DNAJC10: variants seen among roughly 807,000 people sequenced by gnomAD.
DNAJC10 encodes endoplasmic reticulum disulfide reductase DNAJC10.
A neutral mutation model predicts 115.0 loss-of-function variants in DNAJC10; 101 were observed. The observed-to-expected ratio is 0.88, with a 90% CI of 0.75 to 1.04. DNAJC10 has a LOEUF of 1.04. Among genes scored for constraint, DNAJC10 ranks in the 50% least tolerant of loss-of-function variants. The pLI is 0.00. For synonymous variants in DNAJC10, 307 were observed against 301.5 expected (o/e 1.02, Z -0.19); for missense variants, 981 against 928.8 (o/e 1.06, Z -0.73).
intron 23 of DNAJC10, among the ~76,000 whole-genome samples, chr2:182,776,344 G>A (rs1694705972): frequency 6.6e-6 from 1 of 152,124 alleles, no homozygotes; most frequent in African/African-American, 2.4e-5. Context: ...TCAAGAAGCA[G>A]CACAACCTTT....
chr2:182,759,536 C>T (rs1054879557), intron 21 of DNAJC10, among the ~76,000 whole-genome samples: 14 of 152,168 alleles, frequency 9.2e-5, no homozygotes, highest in African/African-American at 3.4e-4. Context: ...ATCTACTAGC[C>T]ATAAAAGCCA....
At chr2:182,733,017 G>T (rs949254498) in intron 10 of DNAJC10, among the ~76,000 whole-genome samples, 1 of 151,842 alleles carries the variant, frequency 6.6e-6, no homozygotes, top group Non-Finnish European at 1.5e-5. Context: ...TTGTGAGCTT[G>T]AATATAATAA....
At chr2:182,761,087 T>C (rs1694274599) in intron 21 of DNAJC10, among the ~76,000 whole-genome samples, 1 of 151,938 alleles carries the variant, frequency 6.6e-6, no homozygotes. Flanking sequence ...TAACTCCACA[T>C]GAAAGAAAAG....
chr2:182,754,659 G>C lies in DNAJC10; in HGVS notation c.1552-344G>C, dbSNP rs199883879. ...TGGTTTAAAAAAAAGACTCAAGCTA[G>C]AGATATAGCCTGTTGTTTATAGCCT... On this transcript the variant is annotated intron_variant, in intron 16 of 23. Transcript: ENST00000264065. The C allele has an allele frequency of 2.9e-5, 17 of 579,378 alleles. No individual in the cohort carries two copies. The East Asian group carries it at 1.5e-3, about 53-fold the overall frequency. 35.9% of individuals were successfully genotyped at this position (579,378 alleles called of 1,614,324 possible).
In DNAJC10 at chr2:182,739,579, G is replaced by C. The variant is rs530183463; in HGVS notation, c.988-720G>C. On this transcript the variant is annotated intron_variant, in intron 11 of 23. Coordinates refer to ENST00000264065, the MANE Select transcript of DNAJC10 (RefSeq NM_018981.4). ...TGAGAGAATCAGACCAGCAGAGAGAGAGAGTTATATGACAAAATATGCTGA... is the reference window on the plus strand; with the variant it reads ...TGAGAGAATCAGACCAGCAGAGAGACAGAGTTATATGACAAAATATGCTGA... The C allele has an allele frequency of 7.8e-5, 95 of 1,219,416 alleles. No homozygotes were observed. The African/African-American group carries it at 1.4e-3, about 18-fold the overall frequency. The allele number at this position is 1,219,416 out of a possible 1,614,324, so 75.5% of individuals were successfully genotyped here.
intron 5 of DNAJC10, among the ~76,000 whole-genome samples, 187 bp from the exon 6 acceptor site, chr2:182,728,389 A>T (rs1007779782): frequency 1.3e-5 from 2 of 152,118 alleles, no homozygotes; most frequent in Admixed American, 1.3e-4. Context: ...TGGAAAAAAA[A>T]TTTTTAATTT....
intron 11 of DNAJC10, chr2:182,739,780 A>C (rs10167605): frequency 0.04 from 39,505 of 995,302 alleles, 1,423 homozygotes; most frequent in African/African-American, 0.18. Context: ...ATAATGAGCA[A>C]AAGTCCATTC....
intron 5 of DNAJC10, among the ~76,000 whole-genome samples, chr2:182,724,697 A>G (rs1310824938): frequency 6.6e-6 from 1 of 152,216 alleles, no homozygotes; most frequent in Non-Finnish European, 1.5e-5. Flanking sequence ...TTGTATGTAT[A>G]TTAACAGACA....
chr2:182,788,676 T>C lies in DNAJC10; in HGVS notation c.*11544T>C. The C allele has an allele frequency of 5.5e-6, 2 of 363,968 alleles. No individual in the cohort carries two copies. The highest frequency in any genetic ancestry group is 1.1e-5 in the Non-Finnish European group (2 of 186,586). 22.5% of individuals were successfully genotyped at this position (363,968 alleles called of 1,614,324 possible). On this transcript the variant is annotated 3_prime_UTR_variant, in exon 24 of 24. Coordinates refer to ENST00000264065, the MANE Select transcript of DNAJC10 (RefSeq NM_018981.4). ...TTTTGTCCCAGAGAACAAAAGGAAG[T>C]GAGCTTATCCCACAGCACAAGTAAC...
At chr2:182,762,004 G>A (rs543284651) in intron 21 of DNAJC10, among the ~76,000 whole-genome samples, 65 of 152,126 alleles carry the variant, frequency 4.3e-4, no homozygotes, top group African/African-American at 1.5e-3. Context: ...CATCAGTTGC[G>A]CAATAAGAAG....
intron 14 of DNAJC10, among the ~76,000 whole-genome samples, chr2:182,745,845 G>T (rs184114173): frequency 6.6e-6 from 1 of 151,840 alleles, no homozygotes; most frequent in African/African-American, 2.4e-5. Flanking sequence ...CCACTAACTC[G>T]TCATCGAGCA....
intron 22 of DNAJC10, among the ~76,000 whole-genome samples, chr2:182,763,683 T>A (rs912400610): frequency 1.3e-5 from 2 of 152,136 alleles, no homozygotes; most frequent in African/African-American, 2.4e-5. Flanking sequence ...GCCTCAGTAT[T>A]TTTCCATGCC....
At position 182,779,689 on chromosome 2, in the gene DNAJC10, A is replaced by G. The variant is rs974635951; in HGVS notation, c.*2557A>G. 7.9e-5 allele frequency: 12 copies of G among 152,246 alleles called. No homozygotes were observed. The highest frequency in any genetic ancestry group is 1.5e-4 in the Non-Finnish European group (10 of 68,044). The allele number at this position is 152,246 out of a possible 1,614,324, so 9.4% of individuals were successfully genotyped here. ...ATTTAAAGGTATATGATTAAGATAA[A>G]GGAAAAGTAAAATGAAATGTTTATG... On this transcript the variant is annotated 3_prime_UTR_variant, in exon 24 of 24. Coordinates refer to ENST00000264065, the MANE Select transcript of DNAJC10 (RefSeq NM_018981.4).
At chr2:182,762,902 A>T in intron 22 of DNAJC10, 101 bp downstream of exon 22, 2 of 1,275,438 alleles carry the variant, frequency 1.6e-6, no homozygotes, top group Admixed American at 2.4e-5. Context: ...CATCCTTGTC[A>T]TTTTTTTATA....
Position 182,741,332 on chromosome 2 carries a change from T to C in DNAJC10, c.1167T>C (p.Thr389=). The C allele has an allele frequency of 1.3e-6, 2 of 1,581,590 alleles. No individual in the cohort carries two copies. The highest frequency in any genetic ancestry group is 4.5e-5 in the East Asian group (2 of 44,090). ...SNDPELKKLK[T]LLKNDHIQVG... Reference sequence around the variant, plus strand: ...ATCCTGAGCTGAAAAAACTAAAAACTCTACTTAAAAATGATCATATTCAAG... The same window carrying C: ...ATCCTGAGCTGAAAAAACTAAAAACCCTACTTAAAAATGATCATATTCAAG... Residue 389 remains threonine, a synonymous_variant, in exon 13 of 24, where the codon ACT becomes ACC. Coordinates refer to ENST00000264065, the MANE Select transcript of DNAJC10 (RefSeq NM_018981.4).
At chr2:182,743,313 A>G (rs750539460) in intron 13 of DNAJC10, among the ~76,000 whole-genome samples, 12 of 152,222 alleles carry the variant, frequency 7.9e-5, no homozygotes, top group Non-Finnish European at 1.5e-4. Context: ...TCAAGATTAT[A>G]TAAACATTCT....
At position 182,752,099 on chromosome 2, in the gene DNAJC10, C is replaced by T. The variant is rs190143789; in HGVS notation, c.1462C>T (p.Pro488Ser). ...GTGTCCACCATGTCGAGCTTTACTA[C>T]CAGAGTTACGAAGAGCATCAAATCT... Reference protein sequence around the residue: ...PWCPPCRALLPELRRASNLLY... With the variant: ...PWCPPCRALLSELRRASNLLY... The change falls in exon 16 of 24, where the codon CCA becomes TCA. Residue 488 changes from proline to serine, a missense_variant. Transcript: ENST00000264065. 3.7e-6 allele frequency: 6 copies of T among 1,613,010 alleles called. No individual in the cohort carries two copies. The East Asian group carries it at 1.1e-4, about 30-fold the overall frequency.
intron 9 of DNAJC10, 28 bp from the exon 10 acceptor site, chr2:182,732,471 C>G: frequency 6.2e-7 from 1 of 1,612,406 alleles, no homozygotes; most frequent in Non-Finnish European, 8.5e-7. Context: ...AAAGGTAAAA[C>G]TGCCTCATAA....
At position 182,781,476 on chromosome 2, in the gene DNAJC10, C is replaced by G. The variant is rs1394210799; in HGVS notation, c.*4344C>G. The G allele has an allele frequency of 6.6e-6, 1 of 152,090 alleles. No individual in the cohort carries two copies. Among genetic ancestry groups the G allele is most frequent in the Non-Finnish European group, 1.5e-5 (1 of 68,018 alleles). The allele number at this position is 152,090 out of a possible 1,614,324, so 9.4% of individuals were successfully genotyped here. A position where few individuals can be genotyped will look rare whatever the true frequency, so the allele number is the denominator to read the frequency against. On this transcript the variant is annotated 3_prime_UTR_variant, in exon 24 of 24. Transcript: ENST00000264065. ...TTATTTATAATCCTTTAGGTATATA[C>G]CCAGTAACGGGATTGCTGGGTCAAA...
Sources: allele counts gnomAD v4.1 joint callset (sites outside exome capture counted in the v4.1 genomes callset), GRCh38; gene constraint gnomAD v4.1.1; transcripts MANE v1.5; gene names NCBI Gene and HGNC (gene_info 2026-07-23, HGNC 2026-07-21).